Variants in EIF4G3 observed in about 807,000 individuals in gnomAD.
EIF4G3 encodes the protein eIF-4-gamma 3.
Under a neutral mutation model 186.4 loss-of-function variants are expected in EIF4G3, and 34 were observed. That is an observed-to-expected ratio of 0.18 (90% confidence interval 0.14 to 0.24). The LOEUF (loss-of-function observed/expected upper bound fraction) is 0.24. Ranked by LOEUF, EIF4G3 falls within the 10% of genes least tolerant of loss-of-function variation. The pLI is 1.00. For synonymous variants in EIF4G3, 673 were observed against 679.5 expected, an observed-to-expected ratio of 0.99 and a Z score of 0.15; for missense variants, 1,536 against 1,948.5, an observed-to-expected ratio of 0.79 and a Z score of 3.99.
intron 16 of EIF4G3, among the ~76,000 whole-genome samples, chr1:20,898,731 T>C (rs553769678): frequency 4.6e-5 from 7 of 152,138 alleles, no homozygotes; most frequent in Non-Finnish European, 7.4e-5. Context: ...CTCCAAACTT[T>C]CTTTCTTTCT....
intron 27 of EIF4G3, 103 bp downstream of exon 27, chr1:20,853,457 G>T: frequency 1.5e-6 from 1 of 663,866 alleles, no homozygotes; most frequent in Non-Finnish European, 2.7e-6. Flanking sequence ...GGAATAAAAG[G>T]AATGCATCCA....
chr1:21,111,944 T>C (rs2096734042), intron 2 of EIF4G3, among the ~76,000 whole-genome samples: 1 of 152,228 alleles, frequency 6.6e-6, no homozygotes, highest in African/African-American at 2.4e-5. Context: ...AGATGACTAG[T>C]GTCATTAGCC....
intron 2 of EIF4G3, among the ~76,000 whole-genome samples, chr1:21,094,783 A>AATAATT (rs1396813106): frequency 3.4e-5 from 5 of 147,674 alleles, no homozygotes; most frequent in African/African-American, 9.8e-5. Context: ...TAATAATAAT[A>AATAATT]ATAATAATAA....
chr1:21,105,399 C>T (rs2096598294), intron 2 of EIF4G3, among the ~76,000 whole-genome samples: 2 of 150,970 alleles, frequency 1.3e-5, no homozygotes, highest in South Asian at 4.2e-4. Context: ...CATTGCACTC[C>T]AGCCTATGCA....
chr1:20,909,016 G>T, intron 14 of EIF4G3, among the ~76,000 whole-genome samples: 1 of 152,086 alleles, frequency 6.6e-6, no homozygotes, highest in East Asian at 1.9e-4. Context: ...GCCAGGCATG[G>T]TGGCATGTGC....
At chr1:21,173,193 G>A (rs1306030524) in intron 2 of EIF4G3, among the ~76,000 whole-genome samples, 2 of 114,576 alleles carry the variant, frequency 1.7e-5, no homozygotes, top group African/African-American at 3.2e-5. Context: ...TTTTCTAGAA[G>A]ACCTTTGATT....
chr1:20,942,336 GAA>G lies in EIF4G3; in HGVS notation c.824-8_824-7del. On this transcript the variant is annotated splice_region_variant and splice_polypyrimidine_tract_variant and intron_variant, in intron 13 of 36. Coordinates refer to ENST00000602326, the MANE Select transcript of EIF4G3 (RefSeq NM_001391906.1). ...ATCTGGTTTTGGCTTCTCCTCTGGG[GAA>G]AAAAAAATAAGTTTTAAGAATAATT... is the stretch of plus-strand genomic sequence containing the variant. The G allele has an allele frequency of 6.6e-7, 1 of 1,524,832 alleles. No homozygotes were observed. Among genetic ancestry groups the G allele is most frequent in the Non-Finnish European group, 8.8e-7 (1 of 1,137,974 alleles). 94.5% of individuals were successfully genotyped at this position (1,524,832 alleles called of 1,614,324 possible). A position where few individuals can be genotyped will look rare whatever the true frequency, so the allele number is the denominator to read the frequency against.
chr1:20,810,240 C>T lies in EIF4G3; in HGVS notation c.4744+498G>A, dbSNP rs139845962. Reference sequence around the variant, plus strand: ...CATGCTCTTGGATCACTGTAACCTCCGCCTCCTGGGTTCAAGCGATTCTCC... The same window carrying T: ...CATGCTCTTGGATCACTGTAACCTCTGCCTCCTGGGTTCAAGCGATTCTCC... On this transcript the variant is annotated intron_variant, in intron 36 of 36. Transcript: ENST00000602326. The surrounding 1 kb of genome is among the most constrained non-coding windows in gnomAD (Gnocchi z 4.1). 3.0e-3 allele frequency among the ~76,000 whole-genome samples: 463 copies of T among 152,104 alleles called. 1 individual carries two copies. The highest frequency in any genetic ancestry group is 0.01 in the African/African-American group (430 of 41,484).
intron 20 of EIF4G3, among the ~76,000 whole-genome samples, chr1:20,868,040 A>G (rs1353438717): frequency 6.7e-6 from 1 of 149,018 alleles, no homozygotes; most frequent in African/African-American, 2.5e-5. Context: ...AAATATGGAA[A>G]GGGGCCAGTG....
At chr1:21,053,351 C>A (rs2094368692) in intron 3 of EIF4G3, among the ~76,000 whole-genome samples, 1 of 149,824 alleles carries the variant, frequency 6.7e-6, no homozygotes, top group African/African-American at 2.4e-5. Context: ...CCAGCAGCCA[C>A]CCCGTCTGGG....
chr1:20,825,251 G>GAAAAAAAAAAAAAAA (rs71585786), intron 32 of EIF4G3, 53 bp from the exon 33 acceptor site: 5 of 231,690 alleles, frequency 2.2e-5, no homozygotes, highest in South Asian at 8.0e-5. Context: ...AGAAGAAACA[G>GAAAAAAAAAAAAAAA]AAAAAAAAAA....
At chr1:21,113,919 A>T (rs1421358603) in intron 2 of EIF4G3, among the ~76,000 whole-genome samples, 1 of 152,152 alleles carries the variant, frequency 6.6e-6, no homozygotes, top group African/African-American at 2.4e-5. Flanking sequence ...GGGAGGTTGA[A>T]GTGGCAAGAA....
intron 3 of EIF4G3, among the ~76,000 whole-genome samples, chr1:21,081,916 C>T (rs2095800678): frequency 6.6e-6 from 1 of 151,786 alleles, no homozygotes; most frequent in Admixed American, 6.6e-5. Flanking sequence ...GTGCTGGGAT[C>T]ACAGGAGTGA....
At chr1:21,102,043 T>G (rs1334213558) in intron 2 of EIF4G3, among the ~76,000 whole-genome samples, 1 of 152,202 alleles carries the variant, frequency 6.6e-6, no homozygotes, top group African/African-American at 2.4e-5. Flanking sequence ...CAAAGCCCAA[T>G]TAAGATGCTG....
intron 2 of EIF4G3, among the ~76,000 whole-genome samples, chr1:21,149,178 T>C (rs1400533717): frequency 6.6e-6 from 1 of 152,156 alleles, no homozygotes; most frequent in Non-Finnish European, 1.5e-5. Flanking sequence ...ACAGTATGAT[T>C]TGCAGCTATG....
rs2095821942 is a variant in EIF4G3 at position 20,943,968 on chromosome 1, TTTTTTTTGTGTGTG to T, written c.824-1652_824-1639del. Among the ~76,000 whole-genome samples the T allele has an allele frequency of 5.9e-4, 7 of 11,954 alleles. 2 individuals are homozygous for T. The highest frequency in any genetic ancestry group is 2.3e-3 in the South Asian group (2 of 862). The allele number at this position is 11,954 out of a possible 152,430, so 7.8% of individuals were successfully genotyped here. On this transcript the variant is annotated intron_variant, in intron 13 of 36. Transcript: ENST00000602326. ...AATATTTCAGGAAAACTTGTCTTTA[TTTTTTTTGTGTGTG>T]TGTGTGTGTGTGTGTGTGTGTGTGT...
chr1:21,100,815 A>G (rs2096499482), intron 2 of EIF4G3, among the ~76,000 whole-genome samples: 6 of 152,194 alleles, frequency 3.9e-5, no homozygotes, highest in Admixed American at 3.9e-4. Flanking sequence ...CCACACAGGA[A>G]AACAGCTGGG....
chr1:21,138,726 G>C (rs565346889), intron 2 of EIF4G3, among the ~76,000 whole-genome samples: 16 of 152,034 alleles, frequency 1.1e-4, no homozygotes, highest in African/African-American at 3.1e-4. Context: ...CAGGAGAATC[G>C]CTTGAACCTG....
rs565557419 is a variant in EIF4G3 at position 20,965,434 on chromosome 1, CA to C, written c.714+4039del. 1.1e-3 allele frequency among the ~76,000 whole-genome samples: 169 copies of C among 152,288 alleles called. 1 individual carries two copies. Among genetic ancestry groups the C allele is most frequent in the African/African-American group, 3.9e-3 (164 of 41,556 alleles). Reference sequence around the variant, plus strand: ...CCTGCTGTGCTGGCATTAACAATAGCATTGCCATTCATTTCCACAATCACCC... The same window carrying C: ...CCTGCTGTGCTGGCATTAACAATAGCTTGCCATTCATTTCCACAATCACCC... On this transcript the variant is annotated intron_variant, in intron 12 of 36. Transcript: ENST00000602326.
Sources: gnomAD v4.1 joint callset for allele counts (sites outside exome capture counted in the v4.1 genomes callset) on GRCh38, gnomAD v4.1.1 for gene constraint, Gnocchi (gnomAD v3.1) non-coding constraint, MANE v1.5 for transcripts, NCBI Gene and HGNC (gene_info 2026-07-23, HGNC 2026-07-21) for gene names.